The following KIAA1217 variants were observed in gnomAD, a reference collection of about 807,000 sequenced individuals.
The protein encoded by KIAA1217 is sickle tail protein homolog.
Under a neutral mutation model 163.9 loss-of-function variants are expected in KIAA1217, and 88 were observed. The observed-to-expected ratio is 0.54, with a 90% CI of 0.45 to 0.64. The LOEUF is 0.64. Ranked by LOEUF, KIAA1217 falls within the 30% of genes least tolerant of loss-of-function variation. The pLI, the probability that KIAA1217 is intolerant of heterozygous loss-of-function variation, is 0.00. For missense variants in KIAA1217, 2,372 were observed against 2,475.0 expected (o/e 0.96, Z 0.88); for synonymous variants, 903 against 923.1 (o/e 0.98, Z 0.39).
intron 1 of KIAA1217, among the ~76,000 whole-genome samples, chr10:23,824,649 A>AT (rs1170516314): frequency 3.0e-3 from 217 of 73,348 alleles, no homozygotes; most frequent in African/African-American, 5.9e-3. Flanking sequence ...AAAAAAAAAA[A>AT]ATAAAAAAAA....
intron 1 of KIAA1217, among the ~76,000 whole-genome samples, chr10:23,764,978 G>A (rs1297135014): frequency 6.6e-6 from 1 of 151,938 alleles, no homozygotes; most frequent in East Asian, 1.9e-4. Context: ...CCTGAGACTG[G>A]GTAATTGATA....
chr10:24,527,315 T>G (rs1388880427), intron 13 of KIAA1217, among the ~76,000 whole-genome samples: 1 of 148,862 alleles, frequency 6.7e-6, no homozygotes, highest in Non-Finnish European at 1.5e-5. Flanking sequence ...TAAAAAAATT[T>G]TAGGCTGGGC....
chr10:23,928,370 A>G (rs1174032444), intron 1 of KIAA1217, among the ~76,000 whole-genome samples: 2 of 152,200 alleles, frequency 1.3e-5, no homozygotes, highest in Non-Finnish European at 2.9e-5. Flanking sequence ...TTTGCGGTGA[A>G]TTTTAGTTTT....
chr10:23,699,290 T>C (rs913060555), intron 1 of KIAA1217, among the ~76,000 whole-genome samples: 1 of 152,166 alleles, frequency 6.6e-6, no homozygotes, highest in Non-Finnish European at 1.5e-5. Flanking sequence ...CTTTCCTACA[T>C]GTGGACACCA....
At chr10:24,072,452 G>T (rs1446946757) in intron 2 of KIAA1217, among the ~76,000 whole-genome samples, 1 of 152,158 alleles carries the variant, frequency 6.6e-6, no homozygotes, top group Non-Finnish European at 1.5e-5. Context: ...AAATAAGTTT[G>T]TCCTGCATGT....
intron 10 of KIAA1217, among the ~76,000 whole-genome samples, chr10:24,516,810 G>A (rs1262632910): frequency 1.3e-5 from 2 of 152,130 alleles, no homozygotes; most frequent in Non-Finnish European, 2.9e-5. Flanking sequence ...ACGTCCTATG[G>A]TATTCACCGT....
chr10:24,511,969 G>T (rs1431135842), intron 9 of KIAA1217, among the ~76,000 whole-genome samples: 2 of 151,672 alleles, frequency 1.3e-5, no homozygotes, highest in Non-Finnish European at 1.5e-5. Context: ...CCCCTTTTTT[G>T]GATAGACACA....
At chr10:24,506,945 G>A (rs908890634) in intron 9 of KIAA1217, among the ~76,000 whole-genome samples, 7 of 152,218 alleles carry the variant, frequency 4.6e-5, no homozygotes, top group African/African-American at 1.4e-4. Flanking sequence ...GAAAGCAACC[G>A]CTAAGCCAGG....
chr10:24,399,922 A>C (rs2056327273), intron 3 of KIAA1217, among the ~76,000 whole-genome samples: 1 of 152,244 alleles, frequency 6.6e-6, no homozygotes. Flanking sequence ...CAGATTCCAA[A>C]AGTGAAGAAG....
intron 1 of KIAA1217, among the ~76,000 whole-genome samples, chr10:23,748,515 GAGGAAAGGAAGGAGA>G (rs1839541107): frequency 7.8e-6 from 1 of 128,794 alleles, no homozygotes; most frequent in Admixed American, 8.4e-5. Flanking sequence ...GAGGAGAGGA[GAGGAAAGGAAGGAGA>G]GGGGAGGGGA....
chr10:24,218,396 T>C (rs533028821), intron 1 of KIAA1217, among the ~76,000 whole-genome samples: 6 of 152,328 alleles, frequency 3.9e-5, no homozygotes, highest in African/African-American at 1.4e-4. Context: ...TATCAGGATG[T>C]ACCATTGCTC....
intron 1 of KIAA1217, among the ~76,000 whole-genome samples, chr10:23,802,092 T>A (rs897638486): frequency 6.6e-6 from 1 of 152,112 alleles, no homozygotes; most frequent in Non-Finnish European, 1.5e-5. Context: ...ATGGGAGAGT[T>A]GAGGGCCCTA....
chr10:24,545,210 C>T, intron 20 of KIAA1217, 107 bp downstream of exon 20: 2 of 1,518,710 alleles, frequency 1.3e-6, no homozygotes, highest in African/African-American at 1.4e-5. Flanking sequence ...TAACGGTTTA[C>T]ATAGACATCC....
intron 1 of KIAA1217, among the ~76,000 whole-genome samples, chr10:23,794,957 G>T (rs892051958): frequency 6.6e-6 from 1 of 152,198 alleles, no homozygotes; most frequent in Non-Finnish European, 1.5e-5. Context: ...TCCAGCTTGT[G>T]ATGCCCCAAA....
At chr10:24,433,659 G>A (rs2059783086) in intron 4 of KIAA1217, among the ~76,000 whole-genome samples, 1 of 152,146 alleles carries the variant, frequency 6.6e-6, no homozygotes, top group Admixed American at 6.6e-5. Flanking sequence ...AAGAGTTGTA[G>A]GCAGTACTTC....
intron 2 of KIAA1217, among the ~76,000 whole-genome samples, chr10:24,093,125 C>T (rs1246391897): frequency 1.3e-5 from 2 of 151,640 alleles, no homozygotes; most frequent in Non-Finnish European, 2.9e-5. Context: ...TCACAAGTAT[C>T]TGGGACTACA....
At chr10:23,965,694 A>G (rs1782807013) in intron 1 of KIAA1217, among the ~76,000 whole-genome samples, 1 of 152,198 alleles carries the variant, frequency 6.6e-6, no homozygotes, top group African/African-American at 2.4e-5. Context: ...GGATTTTTAA[A>G]ATAACCCACA....
intron 2 of KIAA1217, among the ~76,000 whole-genome samples, chr10:24,121,581 C>T (rs534396101): frequency 1.3e-5 from 2 of 152,230 alleles, no homozygotes; most frequent in East Asian, 3.9e-4. Flanking sequence ...ATTTTTTGCT[C>T]TCATGAAACA....
intron 1 of KIAA1217, among the ~76,000 whole-genome samples, chr10:23,708,498 C>A (rs1837030824): frequency 6.6e-6 from 1 of 152,194 alleles, no homozygotes; most frequent in Admixed American, 6.5e-5. Context: ...AGCTTCCTGG[C>A]TTCCTTTTGA....
Sources: gnomAD v4.1 joint callset for allele counts (sites outside exome capture counted in the v4.1 genomes callset) on GRCh38, gnomAD v4.1.1 for gene constraint, MANE v1.5 for transcripts, NCBI Gene and HGNC (gene_info 2026-07-23, HGNC 2026-07-21) for gene names.